Variants in USH2A observed in about 807,000 individuals in gnomAD.
USH2A encodes the protein Usher syndrome 2A (autosomal recessive, mild).
Under a neutral mutation model 538.9 loss-of-function variants are expected in USH2A, and 443 were observed. The ratio of observed to expected loss-of-function variants is 0.82; its 90% CI spans 0.76 to 0.89. The LOEUF (loss-of-function observed/expected upper bound fraction) is 0.89, where lower values mean the gene tolerates loss of function less well. USH2A is among the 40% of genes least tolerant of loss of function. The probability of loss-of-function intolerance (pLI) is 0.00; values close to 1 mark genes in which losing one functional copy is unlikely to be tolerated. For synonymous variants in USH2A, 2,413 were observed against 2,273.5 expected, an observed-to-expected ratio of 1.06 and a Z score of -1.75; for missense variants, 6,633 against 6,324.8, an observed-to-expected ratio of 1.05 and a Z score of -1.65.
intron 3 of USH2A, among the ~76,000 whole-genome samples, chr1:216,411,617 G>T (rs189632506): frequency 5.3e-5 from 8 of 152,244 alleles, no homozygotes; most frequent in Admixed American, 3.9e-4. Context: ...TGCAGTGGGT[G>T]GTGGCTACAC....
intron 11 of USH2A, among the ~76,000 whole-genome samples, chr1:216,275,395 A>G (rs191407509): frequency 6.6e-6 from 1 of 152,266 alleles, no homozygotes; most frequent in East Asian, 1.9e-4. Context: ...TAACGTGAAT[A>G]AATGTATTTT....
chr1:215,799,273 TC>T, intron 49 of USH2A, 148 bp from the exon 50 acceptor site: 2 of 890,528 alleles, frequency 2.2e-6, no homozygotes, highest in Non-Finnish European at 3.5e-6. Context: ...TTGCAAAATT[TC>T]CAAATGACTC....
intron 43 of USH2A, among the ~76,000 whole-genome samples, chr1:215,877,190 C>G (rs974788007): frequency 2.0e-5 from 3 of 152,142 alleles, no homozygotes; most frequent in Non-Finnish European, 2.9e-5. Context: ...AGTTCTCCAG[C>G]ACAGGCTAAA....
chr1:215,971,402 A>G (rs1208460647), intron 35 of USH2A, among the ~76,000 whole-genome samples: 1 of 152,112 alleles, frequency 6.6e-6, no homozygotes, highest in Admixed American at 6.6e-5. Context: ...CAACCCAATC[A>G]AGATAGAACA....
chr1:216,000,594 A>G, intron 32 of USH2A, 32 bp from the exon 33 acceptor site: 1 of 1,612,112 alleles, frequency 6.2e-7, no homozygotes, highest in Non-Finnish European at 8.5e-7. Context: ...GAATTTACTC[A>G]GCATTATACT....
chr1:215,846,844 A>C (rs1172176963), intron 44 of USH2A, among the ~76,000 whole-genome samples: 1 of 152,212 alleles, frequency 6.6e-6, no homozygotes, highest in Non-Finnish European at 1.5e-5. Context: ...ACATTCGCTA[A>C]CTGATACCTA....
intron 61 of USH2A, among the ~76,000 whole-genome samples, chr1:215,703,941 G>C (rs1659107111): frequency 6.6e-6 from 1 of 152,172 alleles, no homozygotes; most frequent in Non-Finnish European, 1.5e-5. Context: ...GGGCCCTGGT[G>C]GTGTAGGCAC....
intron 13 of USH2A, among the ~76,000 whole-genome samples, chr1:216,239,054 A>T (rs2035882919): frequency 6.6e-6 from 1 of 151,996 alleles, no homozygotes; most frequent in African/African-American, 2.4e-5. Flanking sequence ...CTTCAGGATA[A>T]GGGTTTCTCT....
chr1:215,836,593 G>A (rs1663539167), intron 47 of USH2A, among the ~76,000 whole-genome samples: 1 of 92,718 alleles, frequency 1.1e-5, no homozygotes, highest in African/African-American at 3.8e-5. Flanking sequence ...GTATCACTCT[G>A]TCGCCCAGGC....
In USH2A at chr1:215,783,914, C is replaced by T. The variant is rs1243171646; in HGVS notation, c.10388-979G>A. Among the ~76,000 whole-genome samples, 3 of 152,100 alleles carry T rather than the reference C, an allele frequency of 2.0e-5. No individual in the cohort carries two copies. The South Asian group carries it at 6.2e-4, about 31-fold the overall frequency. Reference sequence around the variant, plus strand: ...CTTAGATTAATGGAGAGACATTCTCCTTATATACATCTCCTTACAATAAAC... The same window carrying T: ...CTTAGATTAATGGAGAGACATTCTCTTTATATACATCTCCTTACAATAAAC... On this transcript the variant is annotated intron_variant, in intron 52 of 71. Transcript: ENST00000307340.
At chr1:216,403,857 T>C (rs1317004772) in intron 3 of USH2A, among the ~76,000 whole-genome samples, 1 of 152,132 alleles carries the variant, frequency 6.6e-6, no homozygotes, top group African/African-American at 2.4e-5. Context: ...TCCCACATGC[T>C]GTTCTCATGA....
chr1:216,063,291 C>T (rs1192224423), intron 30 of USH2A, among the ~76,000 whole-genome samples: 3 of 152,186 alleles, frequency 2.0e-5, no homozygotes, highest in African/African-American at 4.8e-5. Context: ...CAGCTCCTTC[C>T]ATCTCACTTC....
At chr1:215,752,337 G>C (rs1660647691) in intron 58 of USH2A, among the ~76,000 whole-genome samples, 1 of 152,122 alleles carries the variant, frequency 6.6e-6, no homozygotes, top group African/African-American at 2.4e-5. Context: ...TACACAAAAG[G>C]CTAGAGATCT....
At chr1:216,198,252 TA>T in intron 18 of USH2A, 62 bp downstream of exon 18, 1 of 1,610,682 alleles carries the variant, frequency 6.2e-7, no homozygotes, top group Admixed American at 1.7e-5. Context: ...ACTTTGACTT[TA>T]ATTTGAGGAA....
Position 215,629,777 on chromosome 1 carries a change from T to TCTTTTCTTTTCTTTTC in USH2A, c.15298-743_15298-742insGAAAAGAAAAGAAAAG, listed in dbSNP as rs1199527247. Among the ~76,000 whole-genome samples the TCTTTTCTTTTCTTTTC allele has an allele frequency of 8.9e-5, 13 of 146,464 alleles. No individual in the cohort carries two copies. In the South Asian group the frequency reaches 1.5e-3, roughly 17 times the overall value. ...TTCTGCTTTTTCTTTTCTTTTCTTT[T>TCTTTTCTTTTCTTTTC]TTTTTTTTTTTTTTTTGAGACAGAG... On this transcript the variant is annotated intron_variant, in intron 70 of 71. Coordinates refer to ENST00000307340, the MANE Select transcript of USH2A (RefSeq NM_206933.4).
At chr1:216,244,885 C>A (rs1315448857) in intron 13 of USH2A, among the ~76,000 whole-genome samples, 1 of 151,984 alleles carries the variant, frequency 6.6e-6, no homozygotes, top group African/African-American at 2.4e-5. Context: ...TAAAGTTAGA[C>A]TGGAACAGTA....
At chr1:216,033,340 T>C (rs889336043) in intron 32 of USH2A, among the ~76,000 whole-genome samples, 2 of 152,170 alleles carry the variant, frequency 1.3e-5, no homozygotes, top group African/African-American at 4.8e-5. Context: ...CTAACAAATA[T>C]AGAGAAGGTT....
intron 56 of USH2A, among the ~76,000 whole-genome samples, chr1:215,764,829 A>G (rs1424103385): frequency 6.6e-6 from 1 of 152,144 alleles, no homozygotes; most frequent in Admixed American, 6.6e-5. Context: ...CATTCACACT[A>G]TATTTATTTC....
At position 215,648,739 on chromosome 1, in the gene USH2A, T is replaced by C; in HGVS notation, c.14371A>G (p.Thr4791Ala). The change falls in exon 66 of 72, where the codon ACT becomes GCT. Residue 4791 changes from threonine (T) to alanine (A), a missense_variant. Physicochemically the swap from Thr to Ala is moderately conservative, Grantham distance 58 (BLOSUM62 0). Transcript: ENST00000307340. ...GTGAAGGCTTGAAGGCCATGGAGAGTCTGCTGGGTGGCCATGCCTTCGGAT... is the reference window on the plus strand; with the variant it reads ...GTGAAGGCTTGAAGGCCATGGAGAGCCTGCTGGGTGGCCATGCCTTCGGAT... ...VLSEGMATQQ[T>A]LHGLQAFTNY... The C allele has an allele frequency of 6.2e-7, 1 of 1,613,872 alleles. No individual in the cohort carries two copies. Among genetic ancestry groups the C allele is most frequent in the Non-Finnish European group, 8.5e-7 (1 of 1,179,978 alleles).
Sources: allele counts gnomAD v4.1 joint callset (sites outside exome capture counted in the v4.1 genomes callset), GRCh38; gene constraint gnomAD v4.1.1; transcripts MANE v1.5; gene names NCBI Gene and HGNC (gene_info 2026-07-23, HGNC 2026-07-21).